The following MACF1 variants were observed in gnomAD, a reference collection of about 807,000 sequenced individuals.
The protein encoded by MACF1 is microtubule-actin cross-linking factor 1.
MACF1 carries 193 observed loss-of-function variants against 854.8 expected under a neutral mutation model. The ratio of observed to expected loss-of-function variants is 0.23; its 90% CI spans 0.20 to 0.25. The LOEUF is 0.25. MACF1 is among the 10% of genes least tolerant of loss of function. The pLI is 1.00. For missense variants in MACF1, 7,722 were observed against 8,929.1 expected, an observed-to-expected ratio of 0.86 and a Z score of 5.45; for synonymous variants, 3,185 against 3,226.7, an observed-to-expected ratio of 0.99 and a Z score of 0.44.
At chr1:39,250,399 A>G (rs1419194636) in intron 3 of MACF1, among the ~76,000 whole-genome samples, 1 of 152,146 alleles carries the variant, frequency 6.6e-6, no homozygotes, top group Non-Finnish European at 1.5e-5. Context: ...AGATACTAAT[A>G]TTTCAGAAAC....
At position 39,411,751 on chromosome 1, in the gene MACF1, G is replaced by A; in HGVS notation, c.15817-10623G>A. ...GAATCAAATCTCTTCTGAAGGGCTGGCTGCATCCCAGGATGCAGAAAATTT... is the reference window on the plus strand; with the variant it reads ...GAATCAAATCTCTTCTGAAGGGCTGACTGCATCCCAGGATGCAGAAAATTT... On this transcript the variant is annotated intron_variant, in intron 58 of 100. Transcript: ENST00000564288. 4 of 1,613,786 alleles carry A rather than the reference G, an allele frequency of 2.5e-6. No individual in the cohort carries two copies. The Middle Eastern group carries it at 4.9e-4, about 200-fold the overall frequency.
chr1:39,359,607 G>A (rs909213230), intron 47 of MACF1, among the ~76,000 whole-genome samples: 3 of 151,992 alleles, frequency 2.0e-5, no homozygotes, highest in East Asian at 1.9e-4. Context: ...CTTACCAAGC[G>A]TGGTGAAATC....
chr1:39,429,067 A>G (rs1318405614), intron 63 of MACF1, among the ~76,000 whole-genome samples, 175 bp from the exon 64 acceptor site: 1 of 152,198 alleles, frequency 6.6e-6, no homozygotes. Flanking sequence ...ATCTGATTTA[A>G]TTATTTTGAA....
intron 2 of MACF1, among the ~76,000 whole-genome samples, chr1:39,124,525 G>A (rs1642811412): frequency 6.6e-6 from 1 of 152,118 alleles, no homozygotes; most frequent in South Asian, 2.1e-4. Flanking sequence ...TACTCAATAA[G>A]TGTTATTACT....
chr1:39,297,493 T>A, intron 20 of MACF1, 127 bp from the exon 21 acceptor site: 2 of 1,101,822 alleles, frequency 1.8e-6, no homozygotes, highest in Non-Finnish European at 2.6e-6. Context: ...TGTAATAAAC[T>A]GTCACTAATG....
upstream of MACF1, among the ~76,000 whole-genome samples, chr1:39,200,432 C>T (rs138749775): frequency 0.023 from 3,483 of 152,290 alleles, 81 homozygotes; most frequent in East Asian, 0.13. Context: ...GGCACAGTGG[C>T]TCACACCTGT....
chr1:39,152,548 C>G (rs1643602362), intron 2 of MACF1, among the ~76,000 whole-genome samples: 1 of 152,190 alleles, frequency 6.6e-6, no homozygotes, highest in Non-Finnish European at 1.5e-5. Context: ...CTGTTAGGTG[C>G]TTTTAGCACT....
At chr1:39,365,461 G>A (rs1648619034) in intron 49 of MACF1, among the ~76,000 whole-genome samples, 1 of 152,110 alleles carries the variant, frequency 6.6e-6, no homozygotes, top group Non-Finnish European at 1.5e-5. Flanking sequence ...TCAGATTTCA[G>A]AGCTTCAGAT....
At chr1:39,436,454 G>T in intron 70 of MACF1, 1 of 1,613,660 alleles carries the variant, frequency 6.2e-7, no homozygotes, top group South Asian at 1.1e-5. Flanking sequence ...ACATTTCATT[G>T]TTGTGTTGAC....
rs908331943 is a variant in MACF1, at chr1:39,452,143, T to C, written c.20419-13T>C. The C allele has an allele frequency of 6.3e-7, 1 of 1,576,836 alleles. No homozygotes were observed. On this transcript the variant is annotated splice_polypyrimidine_tract_variant and intron_variant, in intron 85 of 100. Transcript: ENST00000564288. ...TTCCTTGAACAAACAAATTCTCCTA[T>C]TTTCTTTTCTAGGTTTTCCAGAAGG...
chr1:39,269,278 G>A (rs1402103680), intron 6 of MACF1: 26 of 1,289,748 alleles, frequency 2.0e-5, no homozygotes, highest in Middle Eastern at 2.1e-4. Flanking sequence ...AATATTCAGC[G>A]TGGGTTTCGG....
intron 58 of MACF1, among the ~76,000 whole-genome samples, chr1:39,416,243 T>C (rs867900408): frequency 1.8e-4 from 27 of 152,150 alleles, no homozygotes; most frequent in Middle Eastern, 6.8e-3. Context: ...GACTGATGGA[T>C]TTTTGATTCA....
At chr1:39,252,183 T>C (rs996120165) in intron 4 of MACF1, among the ~76,000 whole-genome samples, 1 of 152,190 alleles carries the variant, frequency 6.6e-6, no homozygotes, top group African/African-American at 2.4e-5. Flanking sequence ...AAAAGAATAA[T>C]GGTTTTTGGA....
intron 1 of MACF1, among the ~76,000 whole-genome samples, chr1:39,223,367 G>A (rs1386411344): frequency 6.6e-6 from 1 of 152,170 alleles, no homozygotes; most frequent in Non-Finnish European, 1.5e-5. Flanking sequence ...GTTCAAGTTT[G>A]ACTTCATGAC....
chr1:39,184,791 C>T (rs1395222230), intron 2 of MACF1, among the ~76,000 whole-genome samples: 2 of 152,110 alleles, frequency 1.3e-5, no homozygotes, highest in African/African-American at 4.8e-5. Context: ...GCCATTTACA[C>T]AAAGATAAAA....
At chr1:39,166,012 T>C (rs1643878149) in intron 2 of MACF1, among the ~76,000 whole-genome samples, 1 of 152,146 alleles carries the variant, frequency 6.6e-6, no homozygotes, top group South Asian at 2.1e-4. Context: ...TGATAGTCCC[T>C]GTCTTTGAGG....
At chr1:39,428,376 A>G in intron 63 of MACF1, 89 bp downstream of exon 63, 1 of 1,257,062 alleles carries the variant, frequency 8.0e-7, no homozygotes, top group Non-Finnish European at 1.1e-6. Flanking sequence ...TTTTTTCTTC[A>G]TTACAAACAC....
chr1:39,397,812 C>T (rs1407727974), intron 58 of MACF1, among the ~76,000 whole-genome samples: 1 of 152,116 alleles, frequency 6.6e-6, no homozygotes, highest in Non-Finnish European at 1.5e-5. Context: ...GAAAAATCTT[C>T]AGTTGAACCA....
intron 2 of MACF1, among the ~76,000 whole-genome samples, chr1:39,110,157 T>C (rs1481978824): frequency 6.6e-6 from 1 of 151,624 alleles, no homozygotes; most frequent in Non-Finnish European, 1.5e-5. Flanking sequence ...ATTGTTTACC[T>C]AAGTGACGCT....
Sources: allele counts gnomAD v4.1 joint callset (sites outside exome capture counted in the v4.1 genomes callset), GRCh38; gene constraint gnomAD v4.1.1; transcripts MANE v1.5; gene names NCBI Gene and HGNC (gene_info 2026-07-23, HGNC 2026-07-21).